CSMD3: variants seen among roughly 807,000 people sequenced by gnomAD.
CSMD3 encodes CUB and Sushi multiple domains 3.
Under a neutral mutation model 435.2 loss-of-function variants are expected in CSMD3, and 177 were observed. The observed-to-expected ratio is 0.41, with a 90% CI of 0.36 to 0.46. The LOEUF (loss-of-function observed/expected upper bound fraction) is 0.46. Ranked by LOEUF, CSMD3 falls within the 20% of genes least tolerant of loss-of-function variation. The pLI is 0.34. For missense variants in CSMD3, 4,265 were observed against 4,504.6 expected (o/e 0.95, Z 1.52); for synonymous variants, 1,656 against 1,520.5 (o/e 1.09, Z -2.07).
chr8:112,820,830 A>G (rs1472328283), intron 12 of CSMD3, among the ~76,000 whole-genome samples: 1 of 151,742 alleles, frequency 6.6e-6, no homozygotes, highest in Non-Finnish European at 1.5e-5. Context: ...ACCACCGCCA[A>G]CCAGTTCTGG....
At chr8:112,492,393 T>C (rs1586501188) in intron 31 of CSMD3, 96 bp downstream of exon 31, 2 of 913,510 alleles carry the variant, frequency 2.2e-6, no homozygotes, top group Admixed American at 1.8e-5. Context: ...GTAGATTGTA[T>C]GTGGAATAGT....
Position 112,516,219 on chromosome 8 carries a change from T to C in CSMD3, c.4756+815A>G, listed in dbSNP as rs570975603. Among the ~76,000 whole-genome samples the C allele has an allele frequency of 3.9e-5, 6 of 152,232 alleles. 1 individual carries two copies. The highest frequency in any genetic ancestry group is 3.9e-4 in the Admixed American group (6 of 15,274). Reference sequence around the variant, plus strand: ...AAGAAACACAATGATGAACAAGTTATGGAATCTTCTCCCAAGTTGCTTACA... The same window carrying C: ...AAGAAACACAATGATGAACAAGTTACGGAATCTTCTCCCAAGTTGCTTACA... On this transcript the variant is annotated intron_variant, in intron 28 of 70. Coordinates refer to ENST00000297405, the MANE Select transcript of CSMD3 (RefSeq NM_198123.2).
rs1563589819 is a variant in CSMD3, at chr8:113,239,774, G to T, written c.514+38818C>A. On this transcript the variant is annotated intron_variant, in intron 3 of 70. Coordinates refer to ENST00000297405, the MANE Select transcript of CSMD3 (RefSeq NM_198123.2). Reference sequence around the variant, plus strand: ...GATGATTCTCATGAGGTCTCAGAAAGAAAAAACAATATTGGAGAGAAAGCC... The same window carrying T: ...GATGATTCTCATGAGGTCTCAGAAATAAAAAACAATATTGGAGAGAAAGCC... 2.0e-5 allele frequency among the ~76,000 whole-genome samples: 3 copies of T among 151,912 alleles called. No individual in the cohort carries two copies. In the East Asian group the frequency reaches 5.8e-4, roughly 29 times the overall value.
At chr8:113,390,648 T>C (rs927708351) in intron 1 of CSMD3, among the ~76,000 whole-genome samples, 4 of 151,890 alleles carry the variant, frequency 2.6e-5, no homozygotes, top group African/African-American at 9.7e-5. Context: ...GGGAACGCTT[T>C]GTCTTATTAT....
chr8:113,288,980 G>C (rs2093665362), intron 2 of CSMD3, among the ~76,000 whole-genome samples: 1 of 151,628 alleles, frequency 6.6e-6, no homozygotes, highest in South Asian at 2.1e-4. Flanking sequence ...ACCCACCCAA[G>C]GTTCATCTAA....
rs1299308120 is a variant in CSMD3, at chr8:112,352,432, T to C, written c.6239A>G (p.Gln2080Arg). 3 of 1,613,436 alleles carry C rather than the reference T, an allele frequency of 1.9e-6. No homozygotes were observed. In the African/African-American group the frequency reaches 4.0e-5, roughly 22 times the overall value. Residue 2080 changes from glutamine (Q) to arginine (R), a missense_variant, in exon 39 of 71, where the codon CAA becomes CGA. Around this residue, in one of 3 missense-constraint regions of CSMD3, gnomAD observed 3,255 missense variants for 3,380.2 expected, o/e 0.96. Coordinates refer to ENST00000297405, the MANE Select transcript of CSMD3 (RefSeq NM_198123.2). ...VGDVVSFQCD[Q>R]GYSLQGHSHI... is the part of the protein sequence containing the mutation. ...TAGACTTACCTGAAGAGAATATCCT[T>C]GATCACACTGAAAGGATACTACATC... is the stretch of plus-strand genomic sequence containing the variant.
At chr8:113,432,118 C>T (rs2094677605) in intron 1 of CSMD3, among the ~76,000 whole-genome samples, 1 of 152,110 alleles carries the variant, frequency 6.6e-6, no homozygotes. Context: ...CATACTCTTC[C>T]AATGAGGGCG....
rs60213273 is a variant in CSMD3 at position 112,982,441 on chromosome 8, GAT to G, written c.1031-6295_1031-6294del. On this transcript the variant is annotated intron_variant, in intron 6 of 70. Transcript: ENST00000297405. ...CATCAACCAGAATCCTGAATCTTTA[GAT>G]CTTTTTGTTGAGACACCTGTCATCT... Among the ~76,000 whole-genome samples the G allele has an allele frequency of 2.9e-3, 441 of 151,962 alleles. 2 individuals are homozygous for G. Among genetic ancestry groups the G allele is most frequent in the African/African-American group, 9.8e-3 (407 of 41,536 alleles).
At chr8:112,602,278 ACT>A (rs558619306) in intron 22 of CSMD3, among the ~76,000 whole-genome samples, 3 of 152,026 alleles carry the variant, frequency 2.0e-5, no homozygotes, top group Non-Finnish European at 2.9e-5. Context: ...TAGGGGATTG[ACT>A]CTCTATGCAT....
chr8:112,727,265 C>T (rs2076986056), intron 13 of CSMD3, among the ~76,000 whole-genome samples: 1 of 151,758 alleles, frequency 6.6e-6, no homozygotes, highest in African/African-American at 2.4e-5. Flanking sequence ...AAAGATAAGT[C>T]ATGAACTGCG....
At chr8:112,541,173 C>T (rs570113968) in intron 27 of CSMD3, among the ~76,000 whole-genome samples, 1 of 151,870 alleles carries the variant, frequency 6.6e-6, no homozygotes, top group East Asian at 1.9e-4. Flanking sequence ...TAAACACCTA[C>T]ATAAAAAGGA....
chr8:113,259,188 CCTTCT>C (rs1184591447), intron 3 of CSMD3, among the ~76,000 whole-genome samples: 1 of 152,110 alleles, frequency 6.6e-6, no homozygotes, highest in African/African-American at 2.4e-5. Context: ...GTGGTCTCAT[CCTTCT>C]CTTGTCTGTG....
intron 5 of CSMD3, among the ~76,000 whole-genome samples, chr8:113,081,014 C>A (rs1018455748): frequency 6.6e-6 from 1 of 152,006 alleles, no homozygotes; most frequent in African/African-American, 2.4e-5. Flanking sequence ...AACATAGTAA[C>A]AACATCATAT....
rs138996861 is a variant in CSMD3, at chr8:112,531,553, A to G, written c.4565-14328T>C. The stretch of plus-strand genomic sequence containing the variant: ...AAGAGACGAAAGTGAGTGAAGGATC[A>G]TCCTGGCAACCCAAGAAATTTTCCA... On this transcript the variant is annotated intron_variant, in intron 27 of 70. Transcript: ENST00000297405. Among the ~76,000 whole-genome samples, 538 of 152,272 alleles carry G rather than the reference A, an allele frequency of 3.5e-3. 1 individual carries two copies. Among genetic ancestry groups the G allele is most frequent in the African/African-American group, 0.012 (517 of 41,572 alleles).
chr8:113,121,250 A>G (rs181756062), intron 4 of CSMD3, among the ~76,000 whole-genome samples: 2 of 152,182 alleles, frequency 1.3e-5, no homozygotes, highest in Non-Finnish European at 2.9e-5. Flanking sequence ...AGATTAACAA[A>G]AGAATTAGTC....
At chr8:112,943,226 A>G (rs2083504732) in intron 9 of CSMD3, among the ~76,000 whole-genome samples, 1 of 151,722 alleles carries the variant, frequency 6.6e-6, no homozygotes. Context: ...AATATACAGA[A>G]TGTATTTTTA....
At chr8:112,581,416 A>G (rs1030149589) in intron 23 of CSMD3, among the ~76,000 whole-genome samples, 1 of 152,068 alleles carries the variant, frequency 6.6e-6, no homozygotes, top group Non-Finnish European at 1.5e-5. Context: ...TATATCACCA[A>G]ATATAACCCT....
chr8:112,563,616 A>G (rs569813741), intron 24 of CSMD3, among the ~76,000 whole-genome samples: 23 of 152,146 alleles, frequency 1.5e-4, no homozygotes, highest in African/African-American at 5.5e-4. Flanking sequence ...AACTTGGTCA[A>G]AACCAATCAG....
At chr8:112,820,989 C>T (rs2079514566) in intron 12 of CSMD3, among the ~76,000 whole-genome samples, 2 of 152,034 alleles carry the variant, frequency 1.3e-5, no homozygotes, top group African/African-American at 2.4e-5. Context: ...GATCTCATTC[C>T]TTTTTATGGC....
Sources: allele counts gnomAD v4.1 joint callset (sites outside exome capture counted in the v4.1 genomes callset), GRCh38; gene constraint gnomAD v4.1.1; regional missense constraint gnomAD v4.1.1; transcripts MANE v1.5; gene names NCBI Gene and HGNC (gene_info 2026-07-23, HGNC 2026-07-21).